ADAMTSL1: variants seen among roughly 807,000 people sequenced by gnomAD.
ADAMTSL1 encodes the protein ADAMTS like 1.
A neutral mutation model predicts 201.8 loss-of-function variants in ADAMTSL1; 126 were observed. That is an observed-to-expected ratio of 0.62 (90% CI 0.54 to 0.72). The LOEUF is 0.72. ADAMTSL1 is among the 30% of genes least tolerant of loss of function. The pLI, the probability that ADAMTSL1 is intolerant of heterozygous loss-of-function variation, is 0.00. For missense variants in ADAMTSL1, 2,679 were observed against 2,277.8 expected, an observed-to-expected ratio of 1.18 and a Z score of -3.59; for synonymous variants, 1,121 against 903.4, an observed-to-expected ratio of 1.24 and a Z score of -4.32.
At chr9:18,318,073 C>G (rs1834477839) in intron 2 of ADAMTSL1, among the ~76,000 whole-genome samples, 1 of 152,180 alleles carries the variant, frequency 6.6e-6, no homozygotes, top group Non-Finnish European at 1.5e-5. Flanking sequence ...ACCTCTTGGG[C>G]TAGTTGTGAA....
intron 1 of ADAMTSL1, among the ~76,000 whole-genome samples, chr9:17,975,791 T>G (rs1436569323): frequency 6.6e-6 from 1 of 152,152 alleles, no homozygotes; most frequent in Admixed American, 6.6e-5. Context: ...CAAAAAATCA[T>G]TGCCCGGATC....
In ADAMTSL1 at chr9:17,956,500, A is replaced by T. The variant is rs1015785631; in HGVS notation, c.87+49578A>T. Among the ~76,000 whole-genome samples, 39 of 152,186 alleles carry T rather than the reference A, an allele frequency of 2.6e-4. 1 individual carries two copies. The highest frequency in any genetic ancestry group is 2.0e-3 in the Admixed American group (30 of 15,264). On this transcript the variant is annotated intron_variant, in intron 1 of 29. Coordinates refer to the ADAMTSL1 transcript ENST00000680146. ...ATAAAAGACTTAAAGAAAACAGCAG[A>T]AAATTCCAGAGTAAACCAGCTTATG...
intron 1 of ADAMTSL1, among the ~76,000 whole-genome samples, chr9:17,953,306 T>C (rs1827802721): frequency 1.3e-5 from 2 of 152,206 alleles, no homozygotes; most frequent in East Asian, 3.9e-4. Context: ...ATGCTACCCT[T>C]AGAGATTTCA....
intron 1 of ADAMTSL1, among the ~76,000 whole-genome samples, chr9:18,110,712 C>T (rs963144014): frequency 6.6e-6 from 1 of 152,108 alleles, no homozygotes; most frequent in Non-Finnish European, 1.5e-5. Context: ...GCCCTTTATG[C>T]CTGCTAGGAA....
intron 2 of ADAMTSL1, among the ~76,000 whole-genome samples, chr9:18,406,318 T>TCTTTTCTTTTCTTTTCTTTC (rs1468258651): frequency 3.4e-5 from 5 of 148,272 alleles, no homozygotes; most frequent in Non-Finnish European, 5.9e-5. Context: ...TCTTTTCTTT[T>TCTTTTCTTTTCTTTTCTTTC]CTTTTCTTTT....
intron 2 of ADAMTSL1, among the ~76,000 whole-genome samples, chr9:18,293,050 G>A (rs1001294905): frequency 6.6e-6 from 1 of 152,124 alleles, no homozygotes; most frequent in Non-Finnish European, 1.5e-5. Context: ...AAGAAGAGGA[G>A]GTATAATTAG....
At chr9:18,090,667 CA>C (rs1823972436) in intron 1 of ADAMTSL1, among the ~76,000 whole-genome samples, 1 of 152,102 alleles carries the variant, frequency 6.6e-6, no homozygotes, top group Non-Finnish European at 1.5e-5. Context: ...TCTGGAGCTG[CA>C]TGGCGGCAAT....
intron 2 of ADAMTSL1, among the ~76,000 whole-genome samples, chr9:18,413,466 G>T (rs1248165100): frequency 6.6e-6 from 1 of 152,092 alleles, no homozygotes; most frequent in Non-Finnish European, 1.5e-5. Flanking sequence ...TGCCCGGCCA[G>T]GATAATGTTT....
intron 23 of ADAMTSL1, among the ~76,000 whole-genome samples, chr9:18,863,585 A>T (rs1348880508): frequency 6.6e-6 from 1 of 152,188 alleles, no homozygotes; most frequent in East Asian, 1.9e-4. Context: ...ACAGCCTTCT[A>T]GGGTCCAGCT....
intron 2 of ADAMTSL1, among the ~76,000 whole-genome samples, chr9:18,427,911 G>C (rs1364324398): frequency 6.6e-6 from 1 of 152,184 alleles, no homozygotes; most frequent in Non-Finnish European, 1.5e-5. Context: ...TTAGTTCTTG[G>C]TAAAGAGTAA....
intron 20 of ADAMTSL1, among the ~76,000 whole-genome samples, chr9:18,798,596 A>C (rs1822578008): frequency 1.3e-5 from 2 of 152,192 alleles, no homozygotes; most frequent in South Asian, 4.1e-4. Context: ...CAGCTCTCTG[A>C]ATGTCTCAGT....
At chr9:18,658,019 G>T (rs1461254973) in intron 8 of ADAMTSL1, among the ~76,000 whole-genome samples, 1 of 148,446 alleles carries the variant, frequency 6.7e-6, no homozygotes, top group Non-Finnish European at 1.5e-5. Context: ...CTGTCGCCCA[G>T]GCTGGAGTGC....
chr9:18,704,350 G>A (rs1832109896), intron 13 of ADAMTSL1, among the ~76,000 whole-genome samples: 1 of 152,110 alleles, frequency 6.6e-6, no homozygotes, highest in Non-Finnish European at 1.5e-5. Context: ...TCCTAAAGAG[G>A]GCTCTTTATA....
intron 1 of ADAMTSL1, among the ~76,000 whole-genome samples, chr9:18,477,787 T>A (rs78179563): frequency 0.031 from 4,714 of 152,328 alleles, 98 homozygotes; most frequent in Non-Finnish European, 0.043. Flanking sequence ...TTTTGTTTAC[T>A]CAGGCTCCTG....
chr9:18,555,586 AAAC>A lies in ADAMTSL1; in HGVS notation c.238-18438_238-18436del, dbSNP rs1027421342. On this transcript the variant is annotated intron_variant, in intron 3 of 28. Coordinates refer to ENST00000380548, the MANE Select transcript of ADAMTSL1 (RefSeq NM_001040272.6). ...TGTTTTGGAGGACACAGATAGAAAA[AAAC>A]AACAATGTATTAAGTCCAAAGATGA... 2.1e-4 allele frequency among the ~76,000 whole-genome samples: 32 copies of A among 152,026 alleles called. 1 individual carries two copies. Among genetic ancestry groups the A allele is most frequent in the East Asian group, 1.5e-3 (8 of 5,166 alleles).
chr9:17,949,820 A>T (rs1236236503), intron 1 of ADAMTSL1, among the ~76,000 whole-genome samples: 1 of 152,170 alleles, frequency 6.6e-6, no homozygotes, highest in Admixed American at 6.5e-5. Flanking sequence ...GGTCTGTGAC[A>T]TGATTTCCTG....
At chr9:18,515,102 G>T (rs1293845324) in intron 2 of ADAMTSL1, among the ~76,000 whole-genome samples, 1 of 152,002 alleles carries the variant, frequency 6.6e-6, no homozygotes, top group African/African-American at 2.4e-5. Context: ...CACCTGGAAA[G>T]CTTTTAAAAA....
rs550823273 is a variant in ADAMTSL1 at position 18,686,652 on chromosome 9, T to G, written c.1574+1852T>G. ...TAAACTCTTTTCCCCTTGTACACTG[T>G]ATTTTGTCACTTGGACTAAAGCGTA... On this transcript the variant is annotated intron_variant, in intron 13 of 28. Transcript: ENST00000380548. 1.8e-4 allele frequency among the ~76,000 whole-genome samples: 28 copies of G among 152,362 alleles called. No homozygotes were observed. In the South Asian group the frequency reaches 3.7e-3, roughly 20 times the overall value.
intron 2 of ADAMTSL1, among the ~76,000 whole-genome samples, chr9:18,515,008 C>A (rs1182569985): frequency 1.3e-5 from 2 of 152,166 alleles, no homozygotes; most frequent in African/African-American, 4.8e-5. Flanking sequence ...AATGATTTTT[C>A]TGCATCTTTC....
Sources: gnomAD v4.1 joint callset for allele counts (sites outside exome capture counted in the v4.1 genomes callset) on GRCh38, gnomAD v4.1.1 for gene constraint, MANE v1.5 for transcripts, NCBI Gene and HGNC (gene_info 2026-07-23, HGNC 2026-07-21) for gene names.